DEK: variants seen among roughly 807,000 people sequenced by gnomAD.
DEK encodes protein DEK.
A neutral mutation model predicts 46.8 loss-of-function variants in DEK; 28 were observed. The observed-to-expected ratio is 0.60, with a 90% CI of 0.44 to 0.82. The LOEUF (loss-of-function observed/expected upper bound fraction) is 0.82. DEK is among the 40% of genes least tolerant of loss of function. The pLI, the probability that DEK is intolerant of heterozygous loss-of-function variation, is 0.00. For missense variants in DEK, 416 were observed against 430.6 expected (o/e 0.97, Z 0.30); for synonymous variants, 160 against 144.5 (o/e 1.11, Z -0.77).
At chr6:18,235,706 C>T (rs1215836231) in intron 9 of DEK, among the ~76,000 whole-genome samples, 4 of 152,092 alleles carry the variant, frequency 2.6e-5, no homozygotes, top group Non-Finnish European at 5.9e-5. Context: ...CCAGGTTGGT[C>T]TTGAACTCCT....
chr6:18,249,141 A>G (rs559645982), intron 7 of DEK, among the ~76,000 whole-genome samples: 3 of 152,224 alleles, frequency 2.0e-5, no homozygotes, highest in Non-Finnish European at 2.9e-5. Flanking sequence ...AAATAAAAGA[A>G]AATGACAGGT....
chr6:18,259,418 A>T (rs1313870257), intron 2 of DEK, among the ~76,000 whole-genome samples: 1 of 138,418 alleles, frequency 7.2e-6, no homozygotes, highest in African/African-American at 2.8e-5. Flanking sequence ...AAAAAAAAAA[A>T]AAAAAAAAAA....
chr6:18,236,289 T>C (rs1375093554), intron 9 of DEK, among the ~76,000 whole-genome samples, 163 bp downstream of exon 9: 1 of 152,232 alleles, frequency 6.6e-6, no homozygotes, highest in Non-Finnish European at 1.5e-5. Context: ...ACTTTGACTA[T>C]TTTAAGTGGT....
intron 2 of DEK, among the ~76,000 whole-genome samples, chr6:18,259,394 C>A (rs1169062792): frequency 2.4e-5 from 1 of 41,478 alleles, no homozygotes; most frequent in Non-Finnish European, 5.2e-5. Context: ...GACTCCGTCT[C>A]AAAAAAAAAA....
At position 18,255,718 on chromosome 6, in the gene DEK, A is replaced by C; in HGVS notation, c.573+13T>G. On this transcript the variant is annotated intron_variant, in intron 6 of 10. Transcript: ENST00000652689. ...ATAACTGATTTATGAAAAAAATAAA[A>C]ATTGATCCTCACTTTGCCAGAAGGC... The C allele has an allele frequency of 6.3e-7, 1 of 1,582,020 alleles. No individual in the cohort carries two copies. The highest frequency in any genetic ancestry group is 1.2e-5 in the South Asian group (1 of 85,116).
intron 9 of DEK, among the ~76,000 whole-genome samples, chr6:18,231,176 A>T (rs1170498952): frequency 6.6e-6 from 1 of 152,192 alleles, no homozygotes; most frequent in Non-Finnish European, 1.5e-5. Flanking sequence ...CCAATGAGAA[A>T]AACGACACAA....
Position 18,249,670 on chromosome 6 carries a change from T to G in DEK, c.743A>C (p.Asp248Ala). Residue 248 changes from aspartate (D) to alanine (A), a missense_variant, in exon 7 of 11, where the codon GAT becomes GCT. Asp to Ala is a moderately radical substitution (Grantham distance 126). Transcript: ENST00000652689. Reference protein sequence around the residue: ...KNKEESSDDEDKESEEEPPKK... With the variant: ...KNKEESSDDEAKESEEEPPKK... ...TTTTACCTCCTCTTCACTTTCTTTA[T>G]CTTCATCATCTGAAGACTCTTCCTT... 1 of 1,584,544 alleles carries G rather than the reference T, an allele frequency of 6.3e-7. No homozygotes were observed.
intron 2 of DEK, among the ~76,000 whole-genome samples, chr6:18,259,113 G>A (rs980695855): frequency 7.9e-5 from 12 of 151,572 alleles, no homozygotes; most frequent in Admixed American, 4.6e-4. Context: ...GGCGGATAAC[G>A]AGGTCAGGAG....
At position 18,224,744 on chromosome 6, in the gene DEK, C is replaced by A. The variant is rs966999546; in HGVS notation, c.*975G>T. The A allele has an allele frequency of 3.1e-4, 67 of 214,958 alleles. 1 individual carries two copies. Among genetic ancestry groups the A allele is most frequent in the African/African-American group, 1.5e-3 (65 of 44,422 alleles). 13.3% of individuals were successfully genotyped at this position (214,958 alleles called of 1,614,324 possible). A position where few individuals can be genotyped will look rare whatever the true frequency, so the allele number is the denominator to read the frequency against. On this transcript the variant is annotated 3_prime_UTR_variant, in exon 11 of 11. Transcript: ENST00000652689. The stretch of plus-strand genomic sequence containing the variant: ...TGGCTAGGTTTCCAGTAAATATCAG[C>A]ATTTTATATGGGCAAAAGCAGTTAA...
intron 7 of DEK, 127 bp downstream of exon 7, chr6:18,249,524 A>T: frequency 1.5e-6 from 2 of 1,345,780 alleles, no homozygotes; most frequent in South Asian, 3.7e-5. Flanking sequence ...TTCATACTTA[A>T]TCATTTCTGC....
chr6:18,261,185 C>G (rs1231060597), intron 2 of DEK, among the ~76,000 whole-genome samples: 2 of 152,060 alleles, frequency 1.3e-5, no homozygotes, highest in Non-Finnish European at 2.9e-5. Flanking sequence ...CCTTGGGACC[C>G]CTCACCCCTT....
intron 2 of DEK, among the ~76,000 whole-genome samples, chr6:18,261,974 C>T (rs373745441): frequency 6.0e-4 from 92 of 152,260 alleles, no homozygotes; most frequent in African/African-American, 2.2e-3. Context: ...ATTTGCAATG[C>T]TGGAGGTGAG....
intron 9 of DEK, among the ~76,000 whole-genome samples, chr6:18,228,884 C>A (rs1196750743): frequency 1.3e-5 from 2 of 152,188 alleles, no homozygotes; most frequent in Non-Finnish European, 2.9e-5. Flanking sequence ...GAAGCTCGAA[C>A]TGGGTGGAGC....
At chr6:18,242,494 A>C (rs1307345069) in intron 7 of DEK, among the ~76,000 whole-genome samples, 1 of 152,200 alleles carries the variant, frequency 6.6e-6, no homozygotes, top group Non-Finnish European at 1.5e-5. Context: ...AACAACTCAT[A>C]AATTTAAAAT....
chr6:18,228,336 T>C (rs1472791510), intron 9 of DEK, among the ~76,000 whole-genome samples: 1 of 152,144 alleles, frequency 6.6e-6, no homozygotes, highest in African/African-American at 2.4e-5. Flanking sequence ...GGCTGTAGTA[T>C]GCCAACCCTC....
At chr6:18,261,738 T>C (rs1395498525) in intron 2 of DEK, among the ~76,000 whole-genome samples, 1 of 152,238 alleles carries the variant, frequency 6.6e-6, no homozygotes, top group Non-Finnish European at 1.5e-5. Flanking sequence ...TAACTTGTTT[T>C]TGATCTCACA....
At chr6:18,255,460 C>A (rs1207757388) in intron 6 of DEK, among the ~76,000 whole-genome samples, 2 of 152,226 alleles carry the variant, frequency 1.3e-5, no homozygotes, top group Admixed American at 6.5e-5. Context: ...AGATACCTAA[C>A]CCTGACTACT....
chr6:18,262,802 G>C (rs1330630213), intron 2 of DEK, among the ~76,000 whole-genome samples: 1 of 152,192 alleles, frequency 6.6e-6, no homozygotes, highest in African/African-American at 2.4e-5. Flanking sequence ...AATAGTTTAT[G>C]TGAAAACTTA....
At chr6:18,249,881 A>T (rs749636020) in intron 6 of DEK, 42 bp from the exon 7 acceptor site, 1 of 1,523,780 alleles carries the variant, frequency 6.6e-7, no homozygotes, top group Non-Finnish European at 8.8e-7. Flanking sequence ...GAGGTATAAT[A>T]TTTCAATCAA....
Sources: allele counts gnomAD v4.1 joint callset (sites outside exome capture counted in the v4.1 genomes callset), GRCh38; gene constraint gnomAD v4.1.1; transcripts MANE v1.5; gene names NCBI Gene and HGNC (gene_info 2026-07-23, HGNC 2026-07-21).